MPZL1: variants seen among roughly 807,000 people sequenced by gnomAD.
The protein encoded by MPZL1 is myelin protein zero like 1.
In MPZL1, 16 loss-of-function variants were observed where a neutral mutation model predicts 29.3. The observed-to-expected ratio is 0.55, with a 90% CI of 0.37 to 0.83. MPZL1 has a LOEUF of 0.83. Ranked by LOEUF, MPZL1 falls within the 40% of genes least tolerant of loss-of-function variation. The probability of loss-of-function intolerance (pLI) is 0.00; values close to 1 mark genes in which losing one functional copy is unlikely to be tolerated. For synonymous variants in MPZL1, 143 were observed against 132.0 expected (o/e 1.08, Z -0.57); for missense variants, 279 against 332.9 (o/e 0.84, Z 1.26).
intron 5 of MPZL1, among the ~76,000 whole-genome samples, chr1:167,786,571 G>A (rs1310504526): frequency 6.6e-6 from 1 of 152,132 alleles, no homozygotes; most frequent in African/African-American, 2.4e-5. Context: ...CATTCAAATG[G>A]CTCTAGTCCT....
At chr1:167,741,507 G>A (rs954589452) in intron 1 of MPZL1, among the ~76,000 whole-genome samples, 2 of 151,106 alleles carry the variant, frequency 1.3e-5, no homozygotes, top group African/African-American at 4.9e-5. Context: ...TGTATTTTTA[G>A]TAGAGCTGGA....
At chr1:167,726,823 GTT>G (rs1660157268) in intron 1 of MPZL1, among the ~76,000 whole-genome samples, 1 of 152,208 alleles carries the variant, frequency 6.6e-6, no homozygotes, top group Admixed American at 6.5e-5. Flanking sequence ...GCAAGTTTGT[GTT>G]TTCATTAAGT....
chr1:167,749,855 A>G (rs1660720585), intron 1 of MPZL1, among the ~76,000 whole-genome samples: 1 of 152,270 alleles, frequency 6.6e-6, no homozygotes, highest in Non-Finnish European at 1.5e-5. Flanking sequence ...GGCAAGCTGC[A>G]ATCAGCAGTG....
chr1:167,756,197 G>A (rs1660864991), intron 1 of MPZL1, among the ~76,000 whole-genome samples: 1 of 152,004 alleles, frequency 6.6e-6, no homozygotes, highest in African/African-American at 2.4e-5. Flanking sequence ...CACACAGGCT[G>A]GAGTGTAGTG....
At chr1:167,752,239 C>A (rs933339211) in intron 1 of MPZL1, among the ~76,000 whole-genome samples, 3 of 152,068 alleles carry the variant, frequency 2.0e-5, no homozygotes, top group African/African-American at 7.2e-5. Flanking sequence ...TAAAATATTC[C>A]CTGACCTCTT....
In MPZL1 at chr1:167,772,359, A is replaced by G. The variant is rs747095862; in HGVS notation, c.343A>G (p.Lys115Glu). ...AATCAGCTGGGCTGGAGACCTTGACAAGAAAGATGCATCAATCAACATAGA... is the reference window on the plus strand; with the variant it reads ...AATCAGCTGGGCTGGAGACCTTGACGAGAAAGATGCATCAATCAACATAGA... ...DRISWAGDLD[K>E]KDASINIENM... is the part of the protein sequence containing the mutation. Residue 115 changes from lysine to glutamate, a missense_variant, in exon 3 of 6, where the codon AAG becomes GAG. Lys to Glu is a moderately conservative substitution (Grantham distance 56, BLOSUM62 1). Coordinates refer to ENST00000359523, the MANE Select transcript of MPZL1 (RefSeq NM_003953.6). The G allele has an allele frequency of 6.2e-7, 1 of 1,613,946 alleles. No individual in the cohort carries two copies. The highest frequency in any genetic ancestry group is 8.5e-7 in the Non-Finnish European group (1 of 1,179,828).
At chr1:167,736,764 C>T (rs1432138857) in intron 1 of MPZL1, among the ~76,000 whole-genome samples, 1 of 152,180 alleles carries the variant, frequency 6.6e-6, no homozygotes, top group Non-Finnish European at 1.5e-5. Flanking sequence ...TAGATCGTCT[C>T]TCTAATGGTA....
At chr1:167,755,503 C>T (rs1308674623) in intron 1 of MPZL1, among the ~76,000 whole-genome samples, 1 of 152,180 alleles carries the variant, frequency 6.6e-6, no homozygotes, top group Non-Finnish European at 1.5e-5. Context: ...CCAGAGCTTT[C>T]AACATGTTCT....
intron 3 of MPZL1, among the ~76,000 whole-genome samples, 165 bp from the exon 4 acceptor site, chr1:167,773,071 C>G (rs1353987322): frequency 6.6e-6 from 1 of 152,110 alleles, no homozygotes; most frequent in Non-Finnish European, 1.5e-5. Flanking sequence ...ATTCACATGT[C>G]ATGAATTACA....
chr1:167,772,213 T>TTA (rs1378110658), intron 2 of MPZL1, 62 bp from the exon 3 acceptor site: 1 of 1,341,128 alleles, frequency 7.5e-7, no homozygotes, highest in African/African-American at 1.5e-5. Context: ...AGCATGCACA[T>TTA]TACAGAGTTT....
At chr1:167,753,981 A>G (rs2051658) in intron 1 of MPZL1, among the ~76,000 whole-genome samples, 7,024 of 151,294 alleles carry the variant, frequency 0.046, 542 homozygotes, top group African/African-American at 0.16. Flanking sequence ...TCTCTTCATT[A>G]GATTCTAGCA....
rs975962700 is a variant in MPZL1 at position 167,790,565 on chromosome 1, A to G, written c.*2644A>G. 1 of 152,164 alleles carries G rather than the reference A, an allele frequency of 6.6e-6. No homozygotes were observed. The highest frequency in any genetic ancestry group is 2.4e-5 in the African/African-American group (1 of 41,414). 9.4% of individuals were successfully genotyped at this position (152,164 alleles called of 1,614,324 possible). On this transcript the variant is annotated 3_prime_UTR_variant, in exon 6 of 6. Coordinates refer to ENST00000359523, the MANE Select transcript of MPZL1 (RefSeq NM_003953.6). ...CTCAGCACTCCTTTCCTGGTTGCAG[A>G]TAACGAACTAAGGTTGCCTAAAGGG...
Position 167,722,077 on chromosome 1 carries a change from C to T in MPZL1, c.-75C>T. 2 of 1,230,900 alleles carry T rather than the reference C, an allele frequency of 1.6e-6. No homozygotes were observed. The highest frequency in any genetic ancestry group is 2.0e-6 in the Non-Finnish European group (2 of 987,102). The allele number at this position is 1,230,900 out of a possible 1,614,324, so 76.2% of individuals were successfully genotyped here. A position where few individuals can be genotyped will look rare whatever the true frequency, so the allele number is the denominator to read the frequency against. On this transcript the variant is annotated 5_prime_UTR_variant, in exon 1 of 6. Coordinates refer to ENST00000359523, the MANE Select transcript of MPZL1 (RefSeq NM_003953.6). ...GCGGAGAGATCAGAAGCCTCTTCCC[C>T]AAGCCGAGCCAACCTCAGCGGGGAC...
intron 1 of MPZL1, among the ~76,000 whole-genome samples, chr1:167,733,943 G>A (rs1425727132): frequency 6.6e-6 from 1 of 151,898 alleles, no homozygotes; most frequent in Non-Finnish European, 1.5e-5. Flanking sequence ...TCACAGGTGA[G>A]TAAGTAGATC....
intron 5 of MPZL1, among the ~76,000 whole-genome samples, chr1:167,778,729 G>A (rs1437248971): frequency 1.3e-5 from 2 of 151,806 alleles, no homozygotes; most frequent in Non-Finnish European, 2.9e-5. Flanking sequence ...GTAAAGGAAA[G>A]CTTGAACCCA....
At chr1:167,766,592 T>G (rs982422270) in intron 2 of MPZL1, among the ~76,000 whole-genome samples, 2 of 152,238 alleles carry the variant, frequency 1.3e-5, no homozygotes, top group Non-Finnish European at 2.9e-5. Context: ...TGTTTCAGGT[T>G]GTCAGTGTTT....
intron 1 of MPZL1, among the ~76,000 whole-genome samples, chr1:167,738,477 C>A (rs573704438): frequency 6.6e-6 from 1 of 152,158 alleles, no homozygotes; most frequent in African/African-American, 2.4e-5. Flanking sequence ...ATTTTTCCTA[C>A]TATTTATAGC....
intron 1 of MPZL1, among the ~76,000 whole-genome samples, chr1:167,743,251 G>A (rs549342207): frequency 2.0e-5 from 3 of 151,022 alleles, no homozygotes; most frequent in Non-Finnish European, 2.9e-5. Context: ...TCGCTCTGTC[G>A]CCAGGCTGGA....
intron 5 of MPZL1, among the ~76,000 whole-genome samples, chr1:167,786,132 G>T (rs1383651580): frequency 1.3e-5 from 2 of 152,118 alleles, no homozygotes; most frequent in African/African-American, 2.4e-5. Context: ...TTTTGGTGGG[G>T]TTAGCATTTA....
Sources: gnomAD v4.1 joint callset for allele counts (sites outside exome capture counted in the v4.1 genomes callset) on GRCh38, gnomAD v4.1.1 for gene constraint, MANE v1.5 for transcripts, NCBI Gene and HGNC (gene_info 2026-07-23, HGNC 2026-07-21) for gene names.